Variants in DMD observed in about 807,000 individuals in gnomAD.
DMD encodes mutant dystrophin.
DMD carries 63 observed loss-of-function variants against 330.1 expected under a neutral mutation model. The observed-to-expected ratio is 0.19, with a 90% CI of 0.16 to 0.24. The LOEUF (loss-of-function observed/expected upper bound fraction) is 0.24, where lower values mean the gene tolerates loss of function less well. Among genes scored for constraint, DMD ranks in the 10% least tolerant of loss-of-function variants. DMD has a pLI of 1.00. For synonymous variants in DMD, 1,223 were observed against 959.8 expected (o/e 1.27, Z -5.07); for missense variants, 3,344 against 2,684.1 (o/e 1.25, Z -5.43).
chrX:31,628,014 A>G (rs770320597), intron 54 of DMD, 152 bp from the exon 55 acceptor site: 2 of 559,862 alleles, frequency 3.6e-6, no homozygotes, highest in Non-Finnish European at 6.0e-6. Flanking sequence ...AGCAACAACT[A>G]TAATATTGTG....
chrX:31,711,120 T>C (rs1172409905), intron 52 of DMD, among the ~76,000 whole-genome samples: 5 of 111,188 alleles, frequency 4.5e-5, no homozygotes, highest in Non-Finnish European at 9.5e-5. Flanking sequence ...ATTGTGCCCT[T>C]TTCATGTCTT....
chrX:32,866,299 C>G (rs2082471875), intron 2 of DMD, among the ~76,000 whole-genome samples: 1 of 112,117 alleles, frequency 8.9e-6, no homozygotes, highest in African/African-American at 3.2e-5. Flanking sequence ...AACTTCCTGG[C>G]TAACATATGT....
intron 47 of DMD, among the ~76,000 whole-genome samples, chrX:31,899,707 G>GCACA (rs200753465): frequency 0.014 from 1,577 of 111,001 alleles, 29 homozygotes; most frequent in African/African-American, 0.049. Flanking sequence ...CTTAACTAGA[G>GCACA]CACACAGCAG....
intron 1 of DMD, among the ~76,000 whole-genome samples, chrX:33,182,115 GA>G (rs1008158861): frequency 1.2e-4 from 13 of 111,914 alleles, no homozygotes; most frequent in East Asian, 5.6e-4. Context: ...TGTGAAAGGG[GA>G]AAAAAATATT....
At chrX:32,624,628 C>A (rs2058227332) in intron 11 of DMD, among the ~76,000 whole-genome samples, 3 of 111,652 alleles carry the variant, frequency 2.7e-5, no homozygotes, top group Non-Finnish European at 5.6e-5. Context: ...GCCTGAGATT[C>A]TGCATTTCTA....
chrX:31,777,767 C>T (rs925385771), intron 50 of DMD, among the ~76,000 whole-genome samples: 1 of 112,100 alleles, frequency 8.9e-6, no homozygotes, highest in Non-Finnish European at 1.9e-5. Context: ...GATTTTATGA[C>T]ATCATACATG....
At chrX:33,073,130 G>A (rs1171765985) in intron 1 of DMD, among the ~76,000 whole-genome samples, 1 of 111,789 alleles carries the variant, frequency 8.9e-6, no homozygotes, top group African/African-American at 3.2e-5. Flanking sequence ...AAAAAGTAAT[G>A]TTTATCCTCA....
chrX:32,593,082 G>T (rs1457408108), intron 13 of DMD, among the ~76,000 whole-genome samples: 1 of 112,906 alleles, frequency 8.9e-6, no homozygotes, highest in East Asian at 2.8e-4. Context: ...CGGGCCAGTA[G>T]TGCAAGCCAA....
At chrX:32,712,912 C>A (rs1299052334) in intron 7 of DMD, among the ~76,000 whole-genome samples, 1 of 111,400 alleles carries the variant, frequency 9.0e-6, no homozygotes, top group East Asian at 2.8e-4. Context: ...CACATTCAAT[C>A]ATTATCTGAA....
intron 9 of DMD, among the ~76,000 whole-genome samples, chrX:32,660,385 G>A (rs1257810120): frequency 9.0e-6 from 1 of 111,257 alleles, no homozygotes; most frequent in African/African-American, 3.3e-5. Flanking sequence ...GCAGAAAAGC[G>A]AAACAGAACC....
At chrX:31,614,442 T>C (rs2078089581) in intron 55 of DMD, among the ~76,000 whole-genome samples, 1 of 112,300 alleles carries the variant, frequency 8.9e-6, no homozygotes, top group Admixed American at 9.4e-5. Flanking sequence ...TATATTTATG[T>C]GACTCAGATC....
intron 54 of DMD, among the ~76,000 whole-genome samples, chrX:31,633,987 T>C (rs1332539469): frequency 8.9e-6 from 1 of 111,977 alleles, no homozygotes; most frequent in Non-Finnish European, 1.9e-5. Context: ...AGACAGATAT[T>C]GGAATACACT....
At position 32,276,851 on chromosome X, in the gene DMD, C is replaced by T. The variant is rs1181746362; in HGVS notation, c.6290+10678G>A. 3.6e-5 allele frequency among the ~76,000 whole-genome samples: 4 copies of T among 110,069 alleles called. No homozygotes were observed. In the East Asian group the frequency reaches 1.1e-3, roughly 32 times the overall value. ...ACAAGAATCTCTTGAACCCAGGAGG[C>T]GGAGGTTGCAGCGAACTGAGATCCT... On this transcript the variant is annotated intron_variant, in intron 43 of 78. Transcript: ENST00000357033.
intron 48 of DMD, among the ~76,000 whole-genome samples, chrX:31,874,284 A>G (rs1297948755): frequency 9.0e-6 from 1 of 111,515 alleles, no homozygotes; most frequent in East Asian, 2.8e-4. Context: ...ATGGAAAGGT[A>G]CCAGGTAATT....
intron 66 of DMD, among the ~76,000 whole-genome samples, chrX:31,204,911 T>C (rs147717897): frequency 1.8e-5 from 2 of 111,941 alleles, no homozygotes; most frequent in South Asian, 7.5e-4. Context: ...TGTGAGCTAC[T>C]GCGCCTGGCT....
At chrX:32,213,249 C>A (rs1292716876) in intron 44 of DMD, among the ~76,000 whole-genome samples, 1 of 112,219 alleles carries the variant, frequency 8.9e-6, no homozygotes, top group African/African-American at 3.2e-5. Flanking sequence ...CAGCCACTGT[C>A]TACATCCTGT....
chrX:33,237,351 C>T (rs1487957765), intron 1 of DMD, among the ~76,000 whole-genome samples: 1 of 109,126 alleles, frequency 9.2e-6, no homozygotes, highest in African/African-American at 3.4e-5. Context: ...TCAAGCGATT[C>T]TTCTGCCTCA....
chrX:31,540,366 G>A (rs1215755502), intron 55 of DMD, among the ~76,000 whole-genome samples: 2 of 112,164 alleles, frequency 1.8e-5, no homozygotes, highest in Admixed American at 9.4e-5. Context: ...AAAGTCAGAA[G>A]TACCTTTTCC....
At chrX:33,205,834 C>G in intron 1 of DMD, among the ~76,000 whole-genome samples, 1 of 111,806 alleles carries the variant, frequency 8.9e-6, no homozygotes, top group Non-Finnish European at 1.9e-5. Context: ...TAAAAGTTGA[C>G]AAATTAGCAA....
Sources: allele counts gnomAD v4.1 joint callset (sites outside exome capture counted in the v4.1 genomes callset), GRCh38; gene constraint gnomAD v4.1.1; transcripts MANE v1.5; gene names NCBI Gene and HGNC (gene_info 2026-07-23, HGNC 2026-07-21).